COL28A1: variants seen among roughly 807,000 people sequenced by gnomAD.
The protein encoded by COL28A1 is collagen alpha-1(XXVIII) chain.
A neutral mutation model predicts 150.2 loss-of-function variants in COL28A1; 161 were observed. That is an observed-to-expected ratio of 1.07 (90% confidence interval 0.94 to 1.22). COL28A1 has a LOEUF of 1.22. Ranked by LOEUF, COL28A1 falls within the 50% of genes most tolerant of loss-of-function variation. COL28A1 has a pLI of 0.00. For missense variants in COL28A1, 1,617 were observed against 1,388.3 expected (o/e 1.16, Z -2.62); for synonymous variants, 552 against 469.7 (o/e 1.18, Z -2.26).
intron 16 of COL28A1, among the ~76,000 whole-genome samples, chr7:7,455,797 GT>G (rs1787112857): frequency 6.6e-6 from 1 of 152,168 alleles, no homozygotes; most frequent in South Asian, 2.1e-4. Context: ...TGTTAATTAG[GT>G]TTTAATGTTA....
intron 11 of COL28A1, among the ~76,000 whole-genome samples, chr7:7,497,577 T>C (rs919884250): frequency 6.6e-6 from 1 of 152,198 alleles, no homozygotes; most frequent in Non-Finnish European, 1.5e-5. Context: ...TTTTTAATTC[T>C]TCTTTTAAAG....
chr7:7,489,769 T>C lies in COL28A1; in HGVS notation c.1096-312A>G, dbSNP rs561783539. Among the ~76,000 whole-genome samples, 20 of 152,306 alleles carry C rather than the reference T, an allele frequency of 1.3e-4. 1 individual carries two copies. In the South Asian group the frequency reaches 4.1e-3, roughly 32 times the overall value. ...GTTACAGAGCTGACTAAGCTGACAA[T>C]GTGTGTGCTGTGCCCTGCCCTCTTG... On this transcript the variant is annotated intron_variant, in intron 12 of 34. Transcript: ENST00000399429.
chr7:7,528,407 T>TC (rs1782149733), intron 3 of COL28A1, among the ~76,000 whole-genome samples: 1 of 152,192 alleles, frequency 6.6e-6, no homozygotes, highest in Non-Finnish European at 1.5e-5. Flanking sequence ...TTTGAGTAAT[T>TC]CAGAACTAAA....
At position 7,358,481 on chromosome 7, in the gene COL28A1, T is replaced by A; in HGVS notation, c.*152A>T. On this transcript the variant is annotated 3_prime_UTR_variant, in exon 35 of 35. Coordinates refer to ENST00000399429, the MANE Select transcript of COL28A1 (RefSeq NM_001037763.3). The stretch of plus-strand genomic sequence containing the variant: ...TTACCTATATAAGTGGTTAATAATA[T>A]GTACATCCTAGGGCTGTAGTGAGAA... 1.5e-6 allele frequency: 1 copy of A among 670,786 alleles called. No individual in the cohort carries two copies. 41.6% of individuals were successfully genotyped at this position (670,786 alleles called of 1,614,324 possible). A position where few individuals can be genotyped will look rare whatever the true frequency, so the allele number is the denominator to read the frequency against.
chr7:7,497,708 T>C (rs771017547), intron 11 of COL28A1, among the ~76,000 whole-genome samples: 7 of 152,118 alleles, frequency 4.6e-5, no homozygotes, highest in Non-Finnish European at 1.0e-4. Flanking sequence ...AGACAAAGCA[T>C]CTCTAAAATA....
At chr7:7,491,875 A>T (rs1260829629) in intron 11 of COL28A1, among the ~76,000 whole-genome samples, 1 of 152,246 alleles carries the variant, frequency 6.6e-6, no homozygotes, top group Non-Finnish European at 1.5e-5. Context: ...TCATTGTAGA[A>T]AATTGTCATA....
intron 13 of COL28A1, among the ~76,000 whole-genome samples, chr7:7,481,862 T>A (rs1779341887): frequency 1.3e-5 from 2 of 152,128 alleles, no homozygotes; most frequent in Admixed American, 1.3e-4. Context: ...CTCAAAATAA[T>A]TATAGTTCCC....
At chr7:7,354,527 G>A (rs1225403843), downstream of COL28A1, among the ~76,000 whole-genome samples, 1 of 152,074 alleles carries the variant, frequency 6.6e-6, no homozygotes, top group African/African-American at 2.4e-5. Flanking sequence ...TGCTTATATA[G>A]GGTATTAGAG....
intron 11 of COL28A1, among the ~76,000 whole-genome samples, chr7:7,499,963 A>G (rs538973316): frequency 2.0e-5 from 3 of 152,378 alleles, no homozygotes; most frequent in East Asian, 3.8e-4. Context: ...AGTGTAAAAA[A>G]TACAAATTAA....
At chr7:7,537,898 G>A (rs1357259788), upstream of COL28A1, among the ~76,000 whole-genome samples, 1 of 152,102 alleles carries the variant, frequency 6.6e-6, no homozygotes, top group Non-Finnish European at 1.5e-5. Flanking sequence ...TTTTTGCTGA[G>A]GCAGGTTAAA....
intron 27 of COL28A1, among the ~76,000 whole-genome samples, chr7:7,414,350 C>A (rs1283433460): frequency 2.0e-5 from 3 of 152,186 alleles, no homozygotes; most frequent in Non-Finnish European, 4.4e-5. Flanking sequence ...AAGTCCAAGG[C>A]CATTTTAGGA....
At chr7:7,367,623 C>T (rs1014583299) in intron 33 of COL28A1, among the ~76,000 whole-genome samples, 3 of 152,006 alleles carry the variant, frequency 2.0e-5, no homozygotes, top group Non-Finnish European at 4.4e-5. Flanking sequence ...ACGTCCTCCC[C>T]TCCCCAGCTA....
At chr7:7,374,862 A>G (rs1016592367) in intron 31 of COL28A1, among the ~76,000 whole-genome samples, 11 of 152,172 alleles carry the variant, frequency 7.2e-5, no homozygotes. Flanking sequence ...TAAACCCAGA[A>G]GATTCTCCCA....
chr7:7,437,341 T>A, intron 22 of COL28A1, 53 bp downstream of exon 22: 6 of 1,554,638 alleles, frequency 3.9e-6, no homozygotes, highest in Non-Finnish European at 5.2e-6. Flanking sequence ...GATTTTTTTT[T>A]CTCCAACTGC....
chr7:7,393,981 A>G (rs1335615252), intron 27 of COL28A1, among the ~76,000 whole-genome samples: 5 of 151,868 alleles, frequency 3.3e-5, no homozygotes, highest in African/African-American at 1.2e-4. Flanking sequence ...GGGTATGAAA[A>G]AAAAAAACAC....
chr7:7,423,786 C>T (rs1784502701), intron 25 of COL28A1, among the ~76,000 whole-genome samples: 1 of 152,148 alleles, frequency 6.6e-6, no homozygotes, highest in African/African-American at 2.4e-5. Context: ...TCAGGCCAGC[C>T]TTGTCAATGC....
intron 25 of COL28A1, among the ~76,000 whole-genome samples, chr7:7,429,472 G>GT (rs1554270170): frequency 7.2e-6 from 1 of 138,060 alleles, no homozygotes; most frequent in East Asian, 2.0e-4. Flanking sequence ...GTGTGTGTGT[G>GT]TGGGGGGGGG....
At chr7:7,499,775 C>T (rs1290002802) in intron 11 of COL28A1, among the ~76,000 whole-genome samples, 2 of 152,140 alleles carry the variant, frequency 1.3e-5, no homozygotes, top group Non-Finnish European at 2.9e-5. Context: ...TAACTGGAAA[C>T]ATTAGTTATG....
intron 25 of COL28A1, among the ~76,000 whole-genome samples, chr7:7,425,779 G>A (rs1784616845): frequency 6.6e-6 from 1 of 152,150 alleles, no homozygotes; most frequent in African/African-American, 2.4e-5. Flanking sequence ...CCAAATCACA[G>A]ATAAGAATGC....
Sources: allele counts gnomAD v4.1 joint callset (sites outside exome capture counted in the v4.1 genomes callset), GRCh38; gene constraint gnomAD v4.1.1; transcripts MANE v1.5; gene names NCBI Gene and HGNC (gene_info 2026-07-23, HGNC 2026-07-21).